ZDHHC14: variants seen among roughly 807,000 people sequenced by gnomAD.
The protein encoded by ZDHHC14 is palmitoyltransferase ZDHHC14.
ZDHHC14 carries 16 observed loss-of-function variants against 47.7 expected under a neutral mutation model. The ratio of observed to expected loss-of-function variants is 0.34; its 90% confidence interval spans 0.23 to 0.51. ZDHHC14 has a LOEUF of 0.51. Among genes scored for constraint, ZDHHC14 ranks in the 20% least tolerant of loss-of-function variants. The probability of loss-of-function intolerance (pLI) is 0.97; values close to 1 mark genes in which losing one functional copy is unlikely to be tolerated. For synonymous variants in ZDHHC14, 293 were observed against 278.9 expected (o/e 1.05, Z -0.50); for missense variants, 515 against 662.5 (o/e 0.78, Z 2.44).
intron 1 of ZDHHC14, among the ~76,000 whole-genome samples, chr6:157,476,592 G>A (rs1779489856): frequency 6.6e-6 from 1 of 152,216 alleles, no homozygotes; most frequent in Non-Finnish European, 1.5e-5. Context: ...GCCAGACAAA[G>A]CCCCTACAAG....
In ZDHHC14 at chr6:157,586,649, C is replaced by T. The variant is rs1783708380; in HGVS notation, c.407-6339C>T. Among the ~76,000 whole-genome samples the T allele has an allele frequency of 6.6e-6, 1 of 152,142 alleles. No homozygotes were observed. Among genetic ancestry groups the T allele is most frequent in the South Asian group, 2.1e-4 (1 of 4,824 alleles). On this transcript the variant is annotated intron_variant, in intron 2 of 8. Transcript: ENST00000359775. The surrounding 1 kb of genome is among the most constrained non-coding windows in gnomAD (Gnocchi z 4.6). ...GACTTGCTGTGCTCATCAGACAGCC[C>T]AGCAGAGCCCTCCCAGGACCCCAGC... is the stretch of plus-strand genomic sequence containing the variant.
chr6:157,403,860 G>A (rs1777692987), intron 1 of ZDHHC14, among the ~76,000 whole-genome samples: 1 of 152,260 alleles, frequency 6.6e-6, no homozygotes, highest in Non-Finnish European at 1.5e-5. Context: ...CCGCCTGCAG[G>A]AGGGCAGACC....
chr6:157,599,840 A>T (rs987232226), intron 3 of ZDHHC14, among the ~76,000 whole-genome samples: 1 of 152,228 alleles, frequency 6.6e-6, no homozygotes, highest in Non-Finnish European at 1.5e-5. Flanking sequence ...AACAAAGTGC[A>T]AGTAACAGAT....
rs1183767010 is a variant in ZDHHC14 at position 157,463,725 on chromosome 6, A to G, written c.246-78860A>G. Among the ~76,000 whole-genome samples the G allele has an allele frequency of 1.3e-5, 2 of 152,210 alleles. No individual in the cohort carries two copies. Among genetic ancestry groups the G allele is most frequent in the African/African-American group, 2.4e-5 (1 of 41,452 alleles). Reference sequence around the variant, plus strand: ...CTCCCCGCTTTACCTTTCATTAGTCAGATCTGAAAATTAACACCAGCCGGC... The same window carrying G: ...CTCCCCGCTTTACCTTTCATTAGTCGGATCTGAAAATTAACACCAGCCGGC... On this transcript the variant is annotated intron_variant, in intron 1 of 8. Transcript: ENST00000359775. This position sits in a 1 kb window ranked among gnomAD's most constrained non-coding sequence, Gnocchi z 4.4.
At chr6:157,629,130 T>C (rs1056068644) in intron 4 of ZDHHC14, among the ~76,000 whole-genome samples, 5 of 152,286 alleles carry the variant, frequency 3.3e-5, no homozygotes, top group Non-Finnish European at 7.3e-5. Flanking sequence ...TCAATTATTT[T>C]AATATCTATT....
intron 1 of ZDHHC14, among the ~76,000 whole-genome samples, chr6:157,526,386 C>G (rs1048009790): frequency 1.3e-5 from 2 of 152,188 alleles, no homozygotes; most frequent in Non-Finnish European, 2.9e-5. Context: ...TGAGGCCTTC[C>G]CACAACACCA....
intron 1 of ZDHHC14, among the ~76,000 whole-genome samples, chr6:157,460,157 T>C (rs530388268): frequency 8.6e-5 from 13 of 150,748 alleles, no homozygotes; most frequent in Non-Finnish European, 1.6e-4. Flanking sequence ...GAGCCGAGAT[T>C]GCGCCACTGC....
intron 1 of ZDHHC14, among the ~76,000 whole-genome samples, chr6:157,454,337 C>T (rs1042578498): frequency 3.3e-5 from 5 of 152,208 alleles, no homozygotes; most frequent in African/African-American, 1.2e-4. Context: ...TGTCTTCTAA[C>T]ATCAAGGAGT....
intron 2 of ZDHHC14, among the ~76,000 whole-genome samples, chr6:157,574,563 C>G (rs1783228159): frequency 3.3e-5 from 5 of 152,298 alleles, no homozygotes; most frequent in African/African-American, 1.2e-4. Context: ...TCCTCCCACT[C>G]CCCTCACCCA....
At chr6:157,606,788 A>G (rs894830378) in intron 3 of ZDHHC14, among the ~76,000 whole-genome samples, 1 of 152,250 alleles carries the variant, frequency 6.6e-6, no homozygotes, top group African/African-American at 2.4e-5. Flanking sequence ...CCTGGGTGAC[A>G]TGAATGGAAT....
At chr6:157,525,539 C>A (rs2114774125) in intron 1 of ZDHHC14, among the ~76,000 whole-genome samples, 1 of 152,096 alleles carries the variant, frequency 6.6e-6, no homozygotes, top group East Asian at 1.9e-4. Context: ...AGGCAGGGAG[C>A]AAGACAGAAG....
At position 157,440,162 on chromosome 6, in the gene ZDHHC14, T is replaced by TTAATAATAA. The variant is rs199803371; in HGVS notation, c.245+57918_245+57926dup. Among the ~76,000 whole-genome samples the TTAATAATAA allele has an allele frequency of 2.4e-3, 357 of 148,002 alleles. 2 individuals carry two copies. The highest frequency in any genetic ancestry group is 7.8e-3 in the African/African-American group (312 of 39,974). Reference sequence around the variant, plus strand: ...CATCCTGCACAGGTACCCTGGAACTTTAATAATAATAATAATAATAATAAT... The same window carrying TTAATAATAA: ...CATCCTGCACAGGTACCCTGGAACTTTAATAATAATAATAATAATAATAATAATAATAAT... On this transcript the variant is annotated intron_variant, in intron 1 of 8. Transcript: ENST00000359775.
intron 4 of ZDHHC14, chr6:157,630,980 TCACA>T (rs71694369): frequency 0.017 from 2,487 of 144,598 alleles, 28 homozygotes; most frequent in South Asian, 0.025. Flanking sequence ...TTACCCACAC[TCACA>T]CACACCCTTA....
intron 7 of ZDHHC14, among the ~76,000 whole-genome samples, chr6:157,650,657 GAGAGAGAGCA>G (rs1344540455): frequency 8.9e-6 from 1 of 111,912 alleles, no homozygotes; most frequent in Non-Finnish European, 2.4e-5. Context: ...AAAAAAGAGA[GAGAGAGAGCA>G]AGAGAGAGCA....
At chr6:157,383,228 A>G (rs1371271511) in intron 1 of ZDHHC14, among the ~76,000 whole-genome samples, 1 of 152,064 alleles carries the variant, frequency 6.6e-6, no homozygotes, top group Non-Finnish European at 1.5e-5. Flanking sequence ...TTGGAATGCA[A>G]CTCCTTATGT....
At chr6:157,383,059 C>T (rs146447574) in intron 1 of ZDHHC14, among the ~76,000 whole-genome samples, 1 of 152,298 alleles carries the variant, frequency 6.6e-6, no homozygotes, top group East Asian at 1.9e-4. Flanking sequence ...GGATAAAAAG[C>T]GCATGCAAGT....
chr6:157,631,728 G>A (rs1785749673), intron 4 of ZDHHC14: 1 of 152,238 alleles, frequency 6.6e-6, no homozygotes, highest in Admixed American at 6.5e-5. Flanking sequence ...GGGTGCAGTA[G>A]ACAAACAGAA....
chr6:157,614,169 G>T (rs1784864869), intron 3 of ZDHHC14, among the ~76,000 whole-genome samples: 1 of 152,142 alleles, frequency 6.6e-6, no homozygotes, highest in Non-Finnish European at 1.5e-5. Flanking sequence ...AAAAGGCCAG[G>T]ACCCAAGTTC....
chr6:157,396,338 AT>A (rs1777522384), intron 1 of ZDHHC14, among the ~76,000 whole-genome samples: 1 of 152,198 alleles, frequency 6.6e-6, no homozygotes, highest in Non-Finnish European at 1.5e-5. Flanking sequence ...TCAGATTTAT[AT>A]AATCAAAGCA....
Sources: allele counts gnomAD v4.1 joint callset (sites outside exome capture counted in the v4.1 genomes callset), GRCh38; gene constraint gnomAD v4.1.1; non-coding constraint Gnocchi (gnomAD v3.1); transcripts MANE v1.5; gene names NCBI Gene and HGNC (gene_info 2026-07-23, HGNC 2026-07-21).